Variants in BRINP3 observed in about 807,000 individuals in gnomAD.
BRINP3 encodes BMP/retinoic acid inducible neural specific 3, also known as BMP/retinoic acid-inducible neural-specific protein 3.
Under a neutral mutation model 71.0 loss-of-function variants are expected in BRINP3, and 19 were observed. The observed-to-expected ratio is 0.27, with a 90% CI of 0.19 to 0.39. The LOEUF is 0.39. Among genes scored for constraint, BRINP3 ranks in the 10% least tolerant of loss-of-function variants. BRINP3 has a pLI of 1.00. For missense variants in BRINP3, 959 were observed against 940.8 expected (o/e 1.02, Z -0.25); for synonymous variants, 380 against 337.7 (o/e 1.13, Z -1.37).
intron 2 of BRINP3, among the ~76,000 whole-genome samples, chr1:190,318,277 T>C (rs1321749495): frequency 6.6e-6 from 1 of 152,134 alleles, no homozygotes; most frequent in East Asian, 1.9e-4. Flanking sequence ...CTAGTTTTAT[T>C]AAACTTTATC....
At chr1:190,148,829 A>T (rs1039792366) in intron 7 of BRINP3, among the ~76,000 whole-genome samples, 1 of 151,764 alleles carries the variant, frequency 6.6e-6, no homozygotes, top group Non-Finnish European at 1.5e-5. Context: ...TGTTTTTTGC[A>T]TGAATTTAAT....
chr1:190,256,419 G>A (rs2102839258), intron 4 of BRINP3, among the ~76,000 whole-genome samples: 1 of 152,282 alleles, frequency 6.6e-6, no homozygotes, highest in South Asian at 2.1e-4. Context: ...ACAGCACACT[G>A]ATAGGTCTTG....
chr1:190,115,559 GA>G lies in BRINP3; in HGVS notation c.1185-16426del, dbSNP rs1305179085. 5.3e-5 allele frequency among the ~76,000 whole-genome samples: 8 copies of G among 152,162 alleles called. No homozygotes were observed. The South Asian group carries it at 1.7e-3, about 32-fold the overall frequency. Reference sequence around the variant, plus strand: ...TTTCTACGGTATCTTTAAAAAATGTGAAAAAGAAATGTCCATGCCTATACAT... The same window carrying G: ...TTTCTACGGTATCTTTAAAAAATGTGAAAAGAAATGTCCATGCCTATACAT... On this transcript the variant is annotated intron_variant, in intron 7 of 7. Coordinates refer to ENST00000367462, the MANE Select transcript of BRINP3 (RefSeq NM_199051.3).
chr1:190,360,102 T>A (rs1252805011), intron 2 of BRINP3, among the ~76,000 whole-genome samples: 2 of 152,140 alleles, frequency 1.3e-5, no homozygotes, highest in Non-Finnish European at 1.5e-5. Context: ...GCATCTAAAC[T>A]GTAAATTTCC....
chr1:190,135,159 A>C (rs1326104110), intron 7 of BRINP3, among the ~76,000 whole-genome samples: 1 of 152,148 alleles, frequency 6.6e-6, no homozygotes, highest in East Asian at 1.9e-4. Flanking sequence ...CATTTGTGAT[A>C]ACAAATGCAT....
chr1:190,233,958 C>T (rs890172713), intron 5 of BRINP3, among the ~76,000 whole-genome samples: 1 of 152,066 alleles, frequency 6.6e-6, no homozygotes, highest in Non-Finnish European at 1.5e-5. Flanking sequence ...ACAGTCTTGA[C>T]TGCCACATTA....
Position 190,098,264 on chromosome 1 carries a change from CA to C in BRINP3, c.2054del (p.Leu685CysfsTer20), listed in dbSNP as rs1415866034. 1 of 1,614,158 alleles carries C rather than the reference CA, an allele frequency of 6.2e-7. No homozygotes were observed. The highest frequency in any genetic ancestry group is 1.3e-5 in the African/African-American group (1 of 75,032). On this transcript the variant is annotated frameshift_variant, in exon 8 of 8. Coordinates refer to ENST00000367462, the MANE Select transcript of BRINP3 (RefSeq NM_199051.3). LOFTEE classifies it high-confidence loss of function. ...CCTGAGTATAGGGGTAGTCCAGCTG[CA>C]AAATCAGGTCCCGAATTGCTTCAGG... ...FDPEAIRDLI[L>X]QLDYPYTQGS... is the part of the protein sequence containing the mutation.
intron 3 of BRINP3, among the ~76,000 whole-genome samples, chr1:190,279,157 A>G (rs150190290): frequency 8.0e-4 from 122 of 151,940 alleles, no homozygotes; most frequent in Middle Eastern, 6.8e-3. Context: ...TCAGAGGAGG[A>G]GTTATAGAAA....
At chr1:190,290,803 C>T (rs1334624558) in intron 2 of BRINP3, among the ~76,000 whole-genome samples, 1 of 151,874 alleles carries the variant, frequency 6.6e-6, no homozygotes, top group Admixed American at 6.6e-5. Context: ...GGGGGTGAGA[C>T]CTCAAACTTA....
chr1:190,231,720 T>C (rs1246729799), intron 5 of BRINP3, among the ~76,000 whole-genome samples: 3 of 151,884 alleles, frequency 2.0e-5, no homozygotes, highest in Non-Finnish European at 4.4e-5. Flanking sequence ...TATGGCTCTT[T>C]TAATTTTTGA....
At chr1:190,408,193 T>G (rs1672421644) in intron 2 of BRINP3, among the ~76,000 whole-genome samples, 1 of 9,178 alleles carries the variant, frequency 1.1e-4, no homozygotes, top group Non-Finnish European at 7.5e-4. Context: ...GGCTAATTAT[T>G]TATTTATTTA....
Position 190,477,675 on chromosome 1 carries a change from G to C in BRINP3, c.-278C>G, listed in dbSNP as rs966203795. The C allele has an allele frequency of 6.6e-6, 1 of 151,266 alleles. No individual in the cohort carries two copies. Among genetic ancestry groups the C allele is most frequent in the Non-Finnish European group, 1.5e-5 (1 of 68,046 alleles). The allele number at this position is 151,266 out of a possible 1,614,324, so 9.4% of individuals were successfully genotyped here. On this transcript the variant is annotated 5_prime_UTR_variant, in exon 1 of 8. Coordinates refer to ENST00000367462, the MANE Select transcript of BRINP3 (RefSeq NM_199051.3). Reference sequence around the variant, plus strand: ...AATGTGAAAATGCTTTATATGGGGGGGTGGGGAATGGTGGGGGGTGATTCG... The same window carrying C: ...AATGTGAAAATGCTTTATATGGGGGCGTGGGGAATGGTGGGGGGTGATTCG...
At chr1:190,354,336 T>G (rs1480167748) in intron 2 of BRINP3, among the ~76,000 whole-genome samples, 2 of 151,858 alleles carry the variant, frequency 1.3e-5, no homozygotes, top group Admixed American at 1.3e-4. Context: ...CTAAACAAAC[T>G]ACGATGCACG....
chr1:190,185,574 C>G (rs1212052207), intron 6 of BRINP3, among the ~76,000 whole-genome samples: 2 of 152,112 alleles, frequency 1.3e-5, no homozygotes, highest in Non-Finnish European at 2.9e-5. Flanking sequence ...AATCTACCCA[C>G]TTGACTCTAA....
chr1:190,251,816 AC>A (rs1221401825), intron 4 of BRINP3, among the ~76,000 whole-genome samples: 1 of 151,594 alleles, frequency 6.6e-6, no homozygotes, highest in African/African-American at 2.4e-5. Context: ...AAAAAAAAAA[AC>A]ATAAAGAGAT....
Position 190,160,679 on chromosome 1 carries a change from C to T in BRINP3, c.1173G>A (p.Leu391=), listed in dbSNP as rs761754982. 1.3e-5 allele frequency: 21 copies of T among 1,611,646 alleles called. No individual in the cohort carries two copies. Among genetic ancestry groups the T allele is most frequent in the East Asian group, 2.2e-5 (1 of 44,792 alleles). The change falls in exon 7 of 8, where the codon CTG becomes CTA. Residue 391 remains leucine (L), a synonymous_variant. Transcript: ENST00000367462. Reference sequence around the variant, plus strand: ...CACAAATGTCTTACCTTTGTCTTGGCAGGCTGATGAGGGGTTGTTTATGAC... The same window carrying T: ...CACAAATGTCTTACCTTTGTCTTGGTAGGCTGATGAGGGGTTGTTTATGAC... ...KRCHKQPLIS[L]PRQRTSTYWL... is the part of the protein sequence containing the mutation.
chr1:190,322,548 T>G (rs1666314199), intron 2 of BRINP3, among the ~76,000 whole-genome samples: 1 of 152,070 alleles, frequency 6.6e-6, no homozygotes, highest in African/African-American at 2.4e-5. Flanking sequence ...TATCCTAGAA[T>G]ATTCATCACC....
At chr1:190,433,221 G>A (rs1230941830) in intron 2 of BRINP3, among the ~76,000 whole-genome samples, 1 of 152,064 alleles carries the variant, frequency 6.6e-6, no homozygotes, top group Non-Finnish European at 1.5e-5. Context: ...TATTTGCTCT[G>A]TAATCCATTC....
At chr1:190,256,629 G>T (rs2102840176) in intron 4 of BRINP3, among the ~76,000 whole-genome samples, 1 of 152,246 alleles carries the variant, frequency 6.6e-6, no homozygotes, top group Non-Finnish European at 1.5e-5. Context: ...GGTACCGGTT[G>T]TTCCATTCCA....
Sources: gnomAD v4.1 joint callset for allele counts (sites outside exome capture counted in the v4.1 genomes callset) on GRCh38, gnomAD v4.1.1 for gene constraint, MANE v1.5 for transcripts, NCBI Gene and HGNC (gene_info 2026-07-23, HGNC 2026-07-21) for gene names.